TTLL11: variants seen among roughly 807,000 people sequenced by gnomAD.
TTLL11 encodes tubulin tyrosine ligase like 11.
Under a neutral mutation model 51.7 loss-of-function variants are expected in TTLL11, and 42 were observed. The ratio of observed to expected loss-of-function variants is 0.81; its 90% confidence interval spans 0.64 to 1.05. The LOEUF is 1.05. TTLL11 is among the 50% of genes least tolerant of loss of function. The pLI is 0.00. For missense variants in TTLL11, 799 were observed against 940.4 expected, an observed-to-expected ratio of 0.85 and a Z score of 1.97; for synonymous variants, 381 against 383.5, an observed-to-expected ratio of 0.99 and a Z score of 0.08.
intron 4 of TTLL11, 128 bp from the exon 5 acceptor site, chr9:121,975,107 C>T: frequency 4.9e-6 from 3 of 609,146 alleles, no homozygotes; most frequent in Non-Finnish European, 8.0e-6. Flanking sequence ...TTGTCCACAG[C>T]CCCTCTTCCT....
rs1423295968 is a variant in TTLL11 at position 121,931,120 on chromosome 9, GC to G, written c.1481+42888del. On this transcript the variant is annotated intron_variant, in intron 6 of 8. Transcript: ENST00000321582. ...GTATGAGCTCTCCCTGCTCAGTCAG[GC>G]CAGCTATCTCCCTGCTCCACCTGGC... 2.0e-5 allele frequency among the ~76,000 whole-genome samples: 3 copies of G among 152,226 alleles called. No individual in the cohort carries two copies. The East Asian group carries it at 5.8e-4, about 29-fold the overall frequency.
rs1447825681 is a variant in TTLL11 at position 121,911,551 on chromosome 9, G to A, written c.1482-40803C>T. ...GAAACCAACCCAAATGCCCATCAATGTTAGACTGGATAAAGAAAATGTGGC... is the reference window on the plus strand; with the variant it reads ...GAAACCAACCCAAATGCCCATCAATATTAGACTGGATAAAGAAAATGTGGC... On this transcript the variant is annotated intron_variant, in intron 6 of 8. Transcript: ENST00000321582. 3.3e-5 allele frequency among the ~76,000 whole-genome samples: 5 copies of A among 152,170 alleles called. No individual in the cohort carries two copies. The East Asian group carries it at 9.6e-4, about 29-fold the overall frequency.
At chr9:122,016,606 T>TG (rs1843990814) in intron 3 of TTLL11, among the ~76,000 whole-genome samples, 1 of 152,222 alleles carries the variant, frequency 6.6e-6, no homozygotes, top group African/African-American at 2.4e-5. Context: ...CGTTGTTCTC[T>TG]GGGGGTTTTT....
intron 3 of TTLL11, among the ~76,000 whole-genome samples, chr9:122,028,483 C>A (rs974067243): frequency 5.9e-5 from 9 of 152,146 alleles, no homozygotes; most frequent in African/African-American, 2.2e-4. Flanking sequence ...GGACAAGTTA[C>A]TGATAAAGGA....
intron 3 of TTLL11, among the ~76,000 whole-genome samples, chr9:122,007,393 T>G (rs1196345346): frequency 6.7e-6 from 1 of 150,108 alleles, no homozygotes; most frequent in African/African-American, 2.5e-5. Flanking sequence ...GAGAATCACT[T>G]GAACCCGGGA....
At chr9:121,855,006 G>A (rs1230073780) in intron 8 of TTLL11, among the ~76,000 whole-genome samples, 5 of 152,168 alleles carry the variant, frequency 3.3e-5, no homozygotes, top group Non-Finnish European at 7.3e-5. Context: ...AGCTCTTGAA[G>A]AGCCATTGAC....
At chr9:121,998,513 T>C (rs1444437692) in intron 3 of TTLL11, among the ~76,000 whole-genome samples, 1 of 152,060 alleles carries the variant, frequency 6.6e-6, no homozygotes, top group Non-Finnish European at 1.5e-5. Context: ...CTCAAACTCC[T>C]GACCTCAAGT....
intron 3 of TTLL11, among the ~76,000 whole-genome samples, chr9:122,023,870 C>T (rs920813320): frequency 1.8e-4 from 28 of 152,062 alleles, no homozygotes; most frequent in African/African-American, 6.5e-4. Flanking sequence ...TGATGAAAGA[C>T]GAAATCCATA....
At position 121,991,219 on chromosome 9, in the gene TTLL11, A is replaced by G. The variant is rs189015137; in HGVS notation, c.694-1449T>C. Among the ~76,000 whole-genome samples the G allele has an allele frequency of 2.9e-3, 443 of 152,320 alleles. 2 individuals are homozygous for G. The highest frequency in any genetic ancestry group is 0.01 in the Middle Eastern group (3 of 294). On this transcript the variant is annotated intron_variant, in intron 3 of 8. Transcript: ENST00000321582. ...CTTGTGCCTTGCGCTTATCTCTTTG[A>G]CCAGCCTATATTTCTAAATAAAGCT...
intron 1 of TTLL11, among the ~76,000 whole-genome samples, chr9:122,084,563 G>A (rs933811593): frequency 3.9e-5 from 6 of 152,182 alleles, no homozygotes; most frequent in African/African-American, 1.4e-4. Context: ...GAAAGGAGGG[G>A]TTCAAACCTA....
At chr9:121,855,141 T>C (rs1224656015) in intron 8 of TTLL11, among the ~76,000 whole-genome samples, 1 of 152,138 alleles carries the variant, frequency 6.6e-6, no homozygotes, top group Non-Finnish European at 1.5e-5. Flanking sequence ...AGCTTTTGTT[T>C]TGAGTGGTGA....
intron 3 of TTLL11, among the ~76,000 whole-genome samples, chr9:121,990,532 C>T (rs1352699789): frequency 6.6e-6 from 1 of 152,082 alleles, no homozygotes; most frequent in Non-Finnish European, 1.5e-5. Context: ...TGACTGAAGC[C>T]CTTGGACCTT....
At chr9:121,931,898 C>G (rs139939814) in intron 6 of TTLL11, among the ~76,000 whole-genome samples, 1 of 152,298 alleles carries the variant, frequency 6.6e-6, no homozygotes, top group Non-Finnish European at 1.5e-5. Context: ...TGTCAGCACA[C>G]TGATTTCTCT....
chr9:121,977,701 T>A (rs1396065508), intron 4 of TTLL11, among the ~76,000 whole-genome samples: 1 of 151,268 alleles, frequency 6.6e-6, no homozygotes, highest in Non-Finnish European at 1.5e-5. Flanking sequence ...TGAGACAGAG[T>A]TTCTCTCTTG....
intron 4 of TTLL11, among the ~76,000 whole-genome samples, chr9:121,981,609 A>G (rs755870054): frequency 6.6e-6 from 1 of 152,158 alleles, no homozygotes; most frequent in African/African-American, 2.4e-5. Context: ...ATTTTTTATA[A>G]TTGAATGCTG....
chr9:121,844,364 C>T (rs1837451918), intron 8 of TTLL11, among the ~76,000 whole-genome samples: 1 of 152,064 alleles, frequency 6.6e-6, no homozygotes, highest in Admixed American at 6.5e-5. Context: ...CTACAGCAAA[C>T]ATTAAACACA....
chr9:121,951,971 G>C (rs1841865350), intron 6 of TTLL11, among the ~76,000 whole-genome samples: 1 of 152,214 alleles, frequency 6.6e-6, no homozygotes, highest in Non-Finnish European at 1.5e-5. Context: ...TAGCAGTGAG[G>C]ACGACCAGAG....
chr9:122,036,288 C>T (rs930215799), intron 2 of TTLL11, among the ~76,000 whole-genome samples: 2 of 151,936 alleles, frequency 1.3e-5, no homozygotes, highest in African/African-American at 4.8e-5. Flanking sequence ...AGCAGAAAGC[C>T]CCCTCCTCAG....
intron 6 of TTLL11, among the ~76,000 whole-genome samples, chr9:121,949,619 G>T (rs142885901): frequency 3.2e-4 from 48 of 152,216 alleles, no homozygotes; most frequent in Middle Eastern, 3.4e-3. Context: ...TTCAAATCTA[G>T]GTGTCTGACA....
Sources: gnomAD v4.1 joint callset for allele counts (sites outside exome capture counted in the v4.1 genomes callset) on GRCh38, gnomAD v4.1.1 for gene constraint, MANE v1.5 for transcripts, NCBI Gene and HGNC (gene_info 2026-07-23, HGNC 2026-07-21) for gene names.